LMF1: variants seen among roughly 807,000 people sequenced by gnomAD.
The protein encoded by LMF1 is transmembrane protein 112.
LMF1 carries 68 observed loss-of-function variants against 60.6 expected under a neutral mutation model. The ratio of observed to expected loss-of-function variants is 1.12; its 90% confidence interval spans 0.92 to 1.37. The LOEUF (loss-of-function observed/expected upper bound fraction) is 1.37. Ranked by LOEUF, LMF1 falls within the 40% of genes most tolerant of loss-of-function variation. LMF1 has a pLI of 0.00. For missense variants in LMF1, 948 were observed against 767.2 expected (o/e 1.24, Z -2.78); for synonymous variants, 418 against 324.7 (o/e 1.29, Z -3.09).
chr16:954,491 G>T lies in LMF1; in HGVS notation c.369C>A (p.Asn123Lys). The T allele has an allele frequency of 6.2e-7, 1 of 1,612,856 alleles. No homozygotes were observed. The highest frequency in any genetic ancestry group is 2.2e-5 in the East Asian group (1 of 44,864). The change falls in exon 2 of 11, where the codon AAC becomes AAA. Residue 123 changes from asparagine to lysine, a missense_variant. By Grantham distance (94) the Asn-to-Lys change is moderately conservative. Transcript: ENST00000262301. ...ILWLMDWSDM[N>K]SNLDLLALLG... is the part of the protein sequence containing the mutation. The stretch of plus-strand genomic sequence containing the variant: ...GAAGAGCCAGCAAGTCCAGGTTGGA[G>T]TTCATGTCTGACCAGTCCATCAGCC...
At chr16:859,992 G>C (rs2069406179) in intron 10 of LMF1, among the ~76,000 whole-genome samples, 1 of 151,622 alleles carries the variant, frequency 6.6e-6, no homozygotes, top group Admixed American at 6.6e-5. Flanking sequence ...TGGTGTTATG[G>C]TGGTTTTTGC....
Position 854,064 on chromosome 16 carries a change from T to G in LMF1, c.*468A>C, listed in dbSNP as rs1254498373. 1 of 455,538 alleles carries G rather than the reference T, an allele frequency of 2.2e-6. No homozygotes were observed. The highest frequency in any genetic ancestry group is 4.4e-6 in the Non-Finnish European group (1 of 227,884). The allele number at this position is 455,538 out of a possible 1,614,324, so 28.2% of individuals were successfully genotyped here. A position where few individuals can be genotyped will look rare whatever the true frequency, so the allele number is the denominator to read the frequency against. ...GGCGAGGGTTTGGCTGCCCCAGACG[T>G]GACAGGGACTTGGCTCTGAGGGTCA... is the stretch of plus-strand genomic sequence containing the variant. On this transcript the variant is annotated 3_prime_UTR_variant, in exon 11 of 11. Transcript: ENST00000262301.
intron 9 of LMF1, chr16:869,548 A>G (rs756714825): frequency 1.0e-5 from 6 of 584,008 alleles, no homozygotes; most frequent in Non-Finnish European, 1.9e-5. Flanking sequence ...CCTCCTGCGT[A>G]GCTGAAACCA....
chr16:971,069 G>GCCCACGGCCGAAGGCCCCA, upstream of LMF1: 1 of 1,303,650 alleles, frequency 7.7e-7, no homozygotes, highest in Non-Finnish European at 1.0e-6. Context: ...GGCCGGCCCT[G>GCCCACGGCCGAAGGCCCCA]CCCACGGCCG....
chr16:890,474 C>T (rs190770889), intron 5 of LMF1, among the ~76,000 whole-genome samples: 1 of 152,222 alleles, frequency 6.6e-6, no homozygotes, highest in East Asian at 1.9e-4. Context: ...CTGGCTTGGC[C>T]CTGGACCCCG....
At chr16:873,606 C>T (rs1275869979) in intron 6 of LMF1, 4 of 39,152 alleles carry the variant, frequency 1.0e-4, no homozygotes, top group Middle Eastern at 0.015. Flanking sequence ...GACCCTCCGC[C>T]GAGGACATGC....
intron 10 of LMF1, chr16:855,263 G>A: frequency 8.1e-6 from 2 of 246,776 alleles, no homozygotes; most frequent in Non-Finnish European, 1.6e-5. Flanking sequence ...GCCCTTCCCT[G>A]CCTGAGACGT....
intron 6 of LMF1, among the ~76,000 whole-genome samples, chr16:876,045 T>G (rs2151708578): frequency 6.6e-6 from 1 of 152,358 alleles, no homozygotes; most frequent in African/African-American, 2.4e-5. Flanking sequence ...CAGCCGGCCC[T>G]GGCCCCACGC....
chr16:957,204 G>A (rs1057179061), intron 1 of LMF1, among the ~76,000 whole-genome samples: 8 of 152,128 alleles, frequency 5.3e-5, no homozygotes, highest in African/African-American at 1.9e-4. Context: ...AGAAGATATT[G>A]CATAATGATA....
chr16:947,898 T>TGACAGAGTCAGCCAAC (rs1234587272), intron 2 of LMF1, among the ~76,000 whole-genome samples: 8 of 112,126 alleles, frequency 7.1e-5, no homozygotes, highest in East Asian at 2.6e-4. Flanking sequence ...TTAGAGACAA[T>TGACAGAGTCAGCCAAC]GACAGAGTCA....
At position 870,818 on chromosome 16, in the gene LMF1, G is replaced by C. The variant is rs376813485; in HGVS notation, c.1143C>G (p.Pro381=). The C allele has an allele frequency of 3.7e-6, 6 of 1,612,460 alleles. No individual in the cohort carries two copies. The highest frequency in any genetic ancestry group is 5.1e-6 in the Non-Finnish European group (6 of 1,179,796). ...TGGAGCTCAGCAAGTTGAGGACCACGGGCACGCTGAGCCAGGCCAGCAGGA... is the reference window on the plus strand; with the variant it reads ...TGGAGCTCAGCAAGTTGAGGACCACCGGCACGCTGAGCCAGGCCAGCAGGA... ...LGVLLAWLSV[P]VVLNLLSSRQ... The change falls in exon 8 of 11, where the codon CCC becomes CCG. Residue 381 remains proline, a synonymous_variant. Transcript: ENST00000262301.
chr16:949,277 C>A (rs373707015), intron 2 of LMF1, among the ~76,000 whole-genome samples: 1 of 140,694 alleles, frequency 7.1e-6, no homozygotes, highest in Non-Finnish European at 1.5e-5. Context: ...TCAGAGACAA[C>A]GACAGAGTCA....
In LMF1 at chr16:874,890, C is replaced by T. The variant is rs528478210; in HGVS notation, c.898-3549G>A. ...AGGGCGCGGGTCACTCTCAGCCCCACACCATATCATCCCCCAGACACCCTC... is the reference window on the plus strand; with the variant it reads ...AGGGCGCGGGTCACTCTCAGCCCCATACCATATCATCCCCCAGACACCCTC... On this transcript the variant is annotated intron_variant, in intron 6 of 10. Coordinates refer to ENST00000262301, the MANE Select transcript of LMF1 (RefSeq NM_022773.4). The surrounding 1 kb of genome is among the most constrained non-coding windows in gnomAD (Gnocchi z 4.1). 7.9e-5 allele frequency among the ~76,000 whole-genome samples: 12 copies of T among 152,160 alleles called. No individual in the cohort carries two copies. The highest frequency in any genetic ancestry group is 1.2e-4 in the Non-Finnish European group (8 of 68,022).
At chr16:857,445 CGGGTGTG>C (rs2069225063) in intron 10 of LMF1, among the ~76,000 whole-genome samples, 1 of 141,668 alleles carries the variant, frequency 7.1e-6, no homozygotes, top group African/African-American at 2.9e-5. Context: ...TGTCACGGGA[CGGGTGTG>C]AGTGGTGTCT....
At chr16:967,510 A>G (rs1304294819) in intron 1 of LMF1, among the ~76,000 whole-genome samples, 5 of 152,260 alleles carry the variant, frequency 3.3e-5, no homozygotes, top group African/African-American at 1.2e-4. Context: ...GGCGGCCGGC[A>G]CTGCCCCTAC....
chr16:877,782 T>A (rs1490198026), intron 6 of LMF1, among the ~76,000 whole-genome samples: 1 of 151,332 alleles, frequency 6.6e-6, no homozygotes, highest in African/African-American at 2.5e-5. Flanking sequence ...GCAGAATCCC[T>A]AGATCACCCA....
upstream of LMF1, among the ~76,000 whole-genome samples, chr16:972,423 G>A (rs1028499607): frequency 6.6e-6 from 1 of 152,170 alleles, no homozygotes; most frequent in Non-Finnish European, 1.5e-5. Flanking sequence ...GCCCTGGCTG[G>A]CGCCCGGCAC....
At chr16:871,821 C>T (rs939795609) in intron 6 of LMF1, 5 of 156,204 alleles carry the variant, frequency 3.2e-5, no homozygotes, top group Admixed American at 3.2e-4. Context: ...CAGTAACGCC[C>T]CCACTCCAAA....
chr16:931,554 G>T, intron 3 of LMF1: 1 of 1,137,174 alleles, frequency 8.8e-7, no homozygotes, highest in Non-Finnish European at 1.2e-6. Context: ...CACAGGAAAG[G>T]AGCCTCCCCA....
Sources: gnomAD v4.1 joint callset for allele counts (sites outside exome capture counted in the v4.1 genomes callset) on GRCh38, gnomAD v4.1.1 for gene constraint, Gnocchi (gnomAD v3.1) non-coding constraint, MANE v1.5 for transcripts, NCBI Gene and HGNC (gene_info 2026-07-23, HGNC 2026-07-21) for gene names.